Variants in BEGAIN observed in about 807,000 individuals in gnomAD.
BEGAIN encodes the protein brain enriched guanylate kinase associated.
Under a neutral mutation model 35.8 loss-of-function variants are expected in BEGAIN, and 19 were observed. The ratio of observed to expected loss-of-function variants is 0.53; its 90% CI spans 0.37 to 0.78. The LOEUF (loss-of-function observed/expected upper bound fraction) is 0.78, where lower values mean the gene tolerates loss of function less well. Ranked by LOEUF, BEGAIN falls within the 30% of genes least tolerant of loss-of-function variation. The pLI is 0.00. For missense variants in BEGAIN, 795 were observed against 853.6 expected (o/e 0.93, Z 0.85); for synonymous variants, 462 against 388.6 (o/e 1.19, Z -2.22).
At chr14:100,554,256 A>G (rs894674166) in intron 2 of BEGAIN, among the ~76,000 whole-genome samples, 2 of 152,180 alleles carry the variant, frequency 1.3e-5, no homozygotes, top group Non-Finnish European at 2.9e-5. Context: ...ACTTGACGTC[A>G]CGACAGTGGG....
chr14:100,573,392 A>C lies in BEGAIN; in HGVS notation c.43-5453T>G, dbSNP rs1566980681. On this transcript the variant is annotated intron_variant, in intron 1 of 6. Transcript: ENST00000554140. The surrounding 1 kb of genome is among the most constrained non-coding windows in gnomAD (Gnocchi z 4.2). ...TGGTGAGTTGGGAAGCATCCCGGTC[A>C]CCAGTGGGAAGGAGCAGCTGGGGTG... 6.6e-6 allele frequency among the ~76,000 whole-genome samples: 1 copy of C among 152,024 alleles called. No homozygotes were observed. Among genetic ancestry groups the C allele is most frequent in the African/African-American group, 2.4e-5 (1 of 41,394 alleles).
intron 3 of BEGAIN, chr14:100,545,559 T>G (rs1240195959): frequency 2.0e-6 from 1 of 493,534 alleles, no homozygotes; most frequent in Non-Finnish European, 2.6e-6. Flanking sequence ...GAGTGTCAGG[T>G]GGGAATCAGG....
intron 2 of BEGAIN, among the ~76,000 whole-genome samples, chr14:100,557,485 C>G (rs1023531316): frequency 3.7e-4 from 56 of 152,210 alleles, no homozygotes; most frequent in Non-Finnish European, 7.5e-4. Context: ...GACACCCACT[C>G]TCTTTCCAGC....
At chr14:100,554,114 C>T (rs117946947) in intron 2 of BEGAIN, among the ~76,000 whole-genome samples, 1,678 of 152,340 alleles carry the variant, frequency 0.011, 25 homozygotes, top group South Asian at 0.083. Flanking sequence ...GTCACATGAG[C>T]TCCAGGGCCC....
At chr14:100,580,645 C>G (rs1595153381) in intron 1 of BEGAIN, among the ~76,000 whole-genome samples, 1 of 152,176 alleles carries the variant, frequency 6.6e-6, no homozygotes, top group African/African-American at 2.4e-5. Context: ...AGATCAAGTA[C>G]CCCTGCGGCA....
chr14:100,583,211 G>C (rs2035359572), intron 1 of BEGAIN, among the ~76,000 whole-genome samples: 1 of 151,658 alleles, frequency 6.6e-6, no homozygotes, highest in Non-Finnish European at 1.5e-5. Flanking sequence ...TGCATCCATT[G>C]CTTTGTATCC....
At position 100,568,805 on chromosome 14, in the gene BEGAIN, G is replaced by T; in HGVS notation, c.43-866C>A. 1 of 949,202 alleles carries T rather than the reference G, an allele frequency of 1.1e-6. No homozygotes were observed. The highest frequency in any genetic ancestry group is 1.3e-6 in the Non-Finnish European group (1 of 796,572). The allele number at this position is 949,202 out of a possible 1,614,324, so 58.8% of individuals were successfully genotyped here. On this transcript the variant is annotated intron_variant, in intron 1 of 6. Transcript: ENST00000554140. The surrounding 1 kb of genome is among the most constrained non-coding windows in gnomAD (Gnocchi z 7.5). ...GCCGGGCGGGCTCTCTATCACCCGG[G>T]AGAGGCCGCTCCCCGGGGCTTTGCC... is the stretch of plus-strand genomic sequence containing the variant.
intron 2 of BEGAIN, among the ~76,000 whole-genome samples, chr14:100,552,662 C>T (rs576871276): frequency 2.9e-4 from 44 of 152,308 alleles, no homozygotes; most frequent in Middle Eastern, 3.4e-3. Context: ...CCTGTGGGAC[C>T]GTGGAAGGGG....
At chr14:100,579,681 G>A (rs910593577) in intron 1 of BEGAIN, among the ~76,000 whole-genome samples, 5 of 152,124 alleles carry the variant, frequency 3.3e-5, no homozygotes, top group Non-Finnish European at 7.4e-5. Flanking sequence ...GAGCTCTGCC[G>A]GACACCTCTC....
chr14:100,545,415 G>C (rs151313689), intron 3 of BEGAIN: 2 of 1,107,082 alleles, frequency 1.8e-6, no homozygotes, highest in African/African-American at 1.6e-5. Context: ...TTACAAACCT[G>C]TTATGGGGTT....
intron 1 of BEGAIN, chr14:100,569,851 C>T (rs1027935022): frequency 6.5e-6 from 1 of 154,464 alleles, no homozygotes; most frequent in Non-Finnish European, 1.5e-5. Context: ...AGGAAAACCC[C>T]CTCCGCCCCC....
chr14:100,552,491 A>C (rs118100323), intron 2 of BEGAIN, among the ~76,000 whole-genome samples: 1,681 of 152,360 alleles, frequency 0.011, 26 homozygotes, highest in South Asian at 0.084. Context: ...GGACCAGGCA[A>C]GAACCAGGGC....
chr14:100,539,897 T>C (rs1458253912), intron 6 of BEGAIN, among the ~76,000 whole-genome samples: 1 of 151,112 alleles, frequency 6.6e-6, no homozygotes, highest in African/African-American at 2.4e-5. Context: ...GTCTCAGGCA[T>C]GGCCCAGGAC....
At chr14:100,582,008 G>A (rs1238602155) in intron 1 of BEGAIN, among the ~76,000 whole-genome samples, 2 of 152,262 alleles carry the variant, frequency 1.3e-5, no homozygotes, top group Non-Finnish European at 2.9e-5. Flanking sequence ...GAGGAAACTG[G>A]GCTCTGAGGG....
In BEGAIN at chr14:100,558,608, G is replaced by T. The variant is rs77688823; in HGVS notation, c.71+9303C>A. On this transcript the variant is annotated intron_variant, in intron 2 of 6. Coordinates refer to ENST00000554140, the MANE Select transcript of BEGAIN (RefSeq NM_001385089.1). This position sits in a 1 kb window ranked among gnomAD's most constrained non-coding sequence, Gnocchi z 4.6. ...CATGGGCAGCACAGATCTGCTGGGC[G>T]CAGCTGAGCTCCCATCGCCCCTACA... Among the ~76,000 whole-genome samples, 1 of 152,152 alleles carries T rather than the reference G, an allele frequency of 6.6e-6. No homozygotes were observed. The highest frequency in any genetic ancestry group is 1.5e-5 in the Non-Finnish European group (1 of 68,038).
rs893140615 is a variant in BEGAIN at position 100,563,125 on chromosome 14, C to T, written c.71+4786G>A. ...CCATCCCTGGGACATCAGCCTGGCA[C>T]TTCTGCAGAGTGTCTCAGCCTGGAC... is the stretch of plus-strand genomic sequence containing the variant. On this transcript the variant is annotated intron_variant, in intron 2 of 6. Transcript: ENST00000554140. This position sits in a 1 kb window ranked among gnomAD's most constrained non-coding sequence, Gnocchi z 4.2. Among the ~76,000 whole-genome samples, 9 of 152,236 alleles carry T rather than the reference C, an allele frequency of 5.9e-5. No individual in the cohort carries two copies. Among genetic ancestry groups the T allele is most frequent in the African/African-American group, 2.2e-4 (9 of 41,470 alleles).
intron 2 of BEGAIN, among the ~76,000 whole-genome samples, chr14:100,554,688 A>G (rs1186115924): frequency 6.6e-6 from 1 of 150,984 alleles, no homozygotes; most frequent in African/African-American, 2.4e-5. Context: ...TTGCAGTGCC[A>G]GGTCTCCTGT....
Position 100,538,820 on chromosome 14 carries a change from CCTT to C in BEGAIN, c.985_987del (p.Lys329del), listed in dbSNP as rs1595102542. Reference sequence around the variant, plus strand: ...GTCAGCGTGCTGGCCTGCGCGTGCTCCTTCTCCTCCGACGTGGCGCTGAAGCTG... The same window carrying C: ...GTCAGCGTGCTGGCCTGCGCGTGCTCCTCCTCCGACGTGGCGCTGAAGCTG... On this transcript the variant is annotated inframe_deletion, in exon 7 of 7. Transcript: ENST00000554140. 5.6e-6 allele frequency: 9 copies of C among 1,604,542 alleles called. No homozygotes were observed. Among genetic ancestry groups the C allele is most frequent in the Non-Finnish European group, 6.8e-6 (8 of 1,177,276 alleles).
At chr14:100,551,423 C>T (rs1337773435) in intron 2 of BEGAIN, among the ~76,000 whole-genome samples, 2 of 152,200 alleles carry the variant, frequency 1.3e-5, no homozygotes, top group Non-Finnish European at 2.9e-5. Context: ...ATCAATAAGG[C>T]TCTGATGCTG....
Sources: gnomAD v4.1 joint callset for allele counts (sites outside exome capture counted in the v4.1 genomes callset) on GRCh38, gnomAD v4.1.1 for gene constraint, Gnocchi (gnomAD v3.1) non-coding constraint, MANE v1.5 for transcripts, NCBI Gene and HGNC (gene_info 2026-07-23, HGNC 2026-07-21) for gene names.